PTPRU: variants seen among roughly 807,000 people sequenced by gnomAD.
PTPRU encodes the protein protein tyrosine phosphatase receptor type U.
Under a neutral mutation model 166.3 loss-of-function variants are expected in PTPRU, and 69 were observed. That is an observed-to-expected ratio of 0.41 (90% confidence interval 0.34 to 0.51). The LOEUF is 0.51. Ranked by LOEUF, PTPRU falls within the 20% of genes least tolerant of loss-of-function variation. The pLI is 0.09. For synonymous variants in PTPRU, 793 were observed against 814.0 expected (o/e 0.97, Z 0.44); for missense variants, 1,657 against 2,013.7 (o/e 0.82, Z 3.39).
intron 14 of PTPRU, among the ~76,000 whole-genome samples, chr1:29,287,614 A>G (rs1203183888): frequency 7.7e-6 from 1 of 130,566 alleles, no homozygotes; most frequent in Admixed American, 7.5e-5. Context: ...TTTTTTTTTT[A>G]AATGGACTCA....
At chr1:29,312,522 C>T in intron 21 of PTPRU, 30 bp from the exon 22 acceptor site, 1 of 1,557,164 alleles carries the variant, frequency 6.4e-7, no homozygotes, top group South Asian at 1.2e-5. Flanking sequence ...CTGCCAGGGA[C>T]TCTGATTATT....
chr1:29,264,224 A>G (rs1171077875), intron 7 of PTPRU, among the ~76,000 whole-genome samples: 1 of 151,244 alleles, frequency 6.6e-6, no homozygotes, highest in Non-Finnish European at 1.5e-5. Flanking sequence ...TGCTTATCAG[A>G]TGTTTATGTT....
Position 29,258,500 on chromosome 1 carries a change from T to G in PTPRU, c.206-5T>G. ...ATCTCCTGCCTCTTCCTCCTCTCTT[T>G]CCAGGCTCCTACTTGATGGTCAACA... On this transcript the variant is annotated splice_region_variant and splice_polypyrimidine_tract_variant and intron_variant, in intron 2 of 29. Coordinates refer to ENST00000373779, the MANE Select transcript of PTPRU (RefSeq NM_133178.4). The G allele has an allele frequency of 6.2e-7, 1 of 1,612,438 alleles. No individual in the cohort carries two copies.
At chr1:29,278,617 C>T (rs1036941384) in intron 8 of PTPRU, among the ~76,000 whole-genome samples, 1 of 152,152 alleles carries the variant, frequency 6.6e-6, no homozygotes, top group Non-Finnish European at 1.5e-5. Flanking sequence ...ATCCCAATAC[C>T]GCAATGCAAT....
In PTPRU at chr1:29,326,104, T is replaced by C. The variant is rs1488845861; in HGVS notation, c.*443T>C. On this transcript the variant is annotated 3_prime_UTR_variant, in exon 30 of 30. Coordinates refer to ENST00000373779, the MANE Select transcript of PTPRU (RefSeq NM_133178.4). ...CTCTGCATGTGGGTAGAGGATGTAC[T>C]GGGACTTGGCATTTAGGATTCCATC... The C allele has an allele frequency of 5.1e-6, 2 of 391,198 alleles. No individual in the cohort carries two copies. The highest frequency in any genetic ancestry group is 2.1e-5 in the African/African-American group (1 of 48,578). The allele number at this position is 391,198 out of a possible 1,614,324, so 24.2% of individuals were successfully genotyped here.
At chr1:29,314,602 G>C (rs1390614300) in intron 22 of PTPRU, among the ~76,000 whole-genome samples, 1 of 150,448 alleles carries the variant, frequency 6.6e-6, no homozygotes, top group South Asian at 2.1e-4. Context: ...TTTTGAGACA[G>C]GATCTTGTTC....
intron 1 of PTPRU, among the ~76,000 whole-genome samples, chr1:29,244,396 G>A (rs751148303): frequency 6.6e-6 from 1 of 151,444 alleles, no homozygotes; most frequent in Non-Finnish European, 1.5e-5. Flanking sequence ...GGGGACAGGT[G>A]GATGATAGAA....
chr1:29,250,445 C>T (rs756488566), intron 1 of PTPRU, among the ~76,000 whole-genome samples: 3 of 152,192 alleles, frequency 2.0e-5, no homozygotes, highest in Non-Finnish European at 2.9e-5. Flanking sequence ...GCTGCATGGC[C>T]TTGAGTAAGC....
In PTPRU at chr1:29,248,526, C is replaced by T. The variant is rs1565712; in HGVS notation, c.74-6749C>T. ...GTGCAACCTGTTGGGAAAAGTTTTGCTTCTCCTGGGACCACTCTTGGGAAT... is the reference window on the plus strand; with the variant it reads ...GTGCAACCTGTTGGGAAAAGTTTTGTTTCTCCTGGGACCACTCTTGGGAAT... On this transcript the variant is annotated intron_variant, in intron 1 of 29. Transcript: ENST00000373779. Among the ~76,000 whole-genome samples the T allele has an allele frequency of 4.6e-3, 699 of 152,262 alleles. 3 individuals carry two copies. Among genetic ancestry groups the T allele is most frequent in the African/African-American group, 0.016 (671 of 41,546 alleles).
chr1:29,286,373 G>A (rs546101326), intron 14 of PTPRU, among the ~76,000 whole-genome samples: 6 of 152,288 alleles, frequency 3.9e-5, no homozygotes, highest in South Asian at 2.1e-4. Flanking sequence ...CTCAGCATGC[G>A]TCAGAGAACA....
At chr1:29,240,806 C>A (rs563166794) in intron 1 of PTPRU, among the ~76,000 whole-genome samples, 1 of 137,680 alleles carries the variant, frequency 7.3e-6, no homozygotes, top group African/African-American at 2.7e-5. Flanking sequence ...AGGGAGCCCG[C>A]AGGGCCCTGT....
intron 18 of PTPRU, chr1:29,307,284 C>A: frequency 8.3e-7 from 1 of 1,204,058 alleles, no homozygotes; most frequent in Non-Finnish European, 1.2e-6. Context: ...TGCCCAGCAC[C>A]AACCGTCCAT....
chr1:29,324,138 G>A (rs1688294760), intron 28 of PTPRU, among the ~76,000 whole-genome samples: 1 of 152,166 alleles, frequency 6.6e-6, no homozygotes. Flanking sequence ...ATGCACACAT[G>A]TGACTTTTTC....
chr1:29,325,450 C>T (rs1198892654), intron 29 of PTPRU, 124 bp downstream of exon 29: 2 of 1,509,670 alleles, frequency 1.3e-6, no homozygotes, highest in Non-Finnish European at 1.8e-6. Context: ...GCCCTGTGGT[C>T]CTAAAACATT....
Position 29,314,580 on chromosome 1 carries a change from TTAA to T in PTPRU, c.3228-790_3228-788del, listed in dbSNP as rs113156221. Among the ~76,000 whole-genome samples, 455 of 102,066 alleles carry T rather than the reference TTAA, an allele frequency of 4.5e-3. 5 individuals carry two copies. The highest frequency in any genetic ancestry group is 0.031 in the African/African-American group (435 of 13,828). 67.0% of individuals were successfully genotyped at this position (102,066 alleles called of 152,430 possible). ...CAGGAAGAGTGTTTTATTGAATTAA[TTAA>T]TTTTTTTTTTTTGAGACAGGATCTT... On this transcript the variant is annotated intron_variant, in intron 22 of 29. Transcript: ENST00000373779.
At chr1:29,313,795 C>T (rs1488577280) in intron 22 of PTPRU, among the ~76,000 whole-genome samples, 3 of 152,092 alleles carry the variant, frequency 2.0e-5, no homozygotes, top group Admixed American at 1.3e-4. Context: ...TTCCAGGTTA[C>T]AGTAAACTGT....
At chr1:29,301,756 C>T (rs1687144124) in intron 15 of PTPRU, among the ~76,000 whole-genome samples, 1 of 152,106 alleles carries the variant, frequency 6.6e-6, no homozygotes, top group South Asian at 2.1e-4. Flanking sequence ...ATGACAGGCC[C>T]CGGTGTGTGA....
At position 29,320,669 on chromosome 1, in the gene PTPRU, TC is replaced by T; in HGVS notation, c.3688-14del. ...GGCCGGGAACAGGGCCCTGCTGAGT[TC>T]CGGTTTCCCTGCAGAGCTACACACG... On this transcript the variant is annotated splice_polypyrimidine_tract_variant and intron_variant, in intron 25 of 29. Coordinates refer to ENST00000373779, the MANE Select transcript of PTPRU (RefSeq NM_133178.4). This position sits in a 1 kb window ranked among gnomAD's most constrained non-coding sequence, Gnocchi z 5.2. 6.4e-7 allele frequency: 1 copy of T among 1,560,404 alleles called. No homozygotes were observed. Among genetic ancestry groups the T allele is most frequent in the Non-Finnish European group, 8.7e-7 (1 of 1,144,468 alleles).
intron 15 of PTPRU, among the ~76,000 whole-genome samples, chr1:29,295,454 T>C (rs6671468): frequency 0.22 from 33,547 of 152,200 alleles, 3,930 homozygotes; most frequent in African/African-American, 0.31. Context: ...CGCCATCTTA[T>C]GAAATTGTCT....
Sources: gnomAD v4.1 joint callset for allele counts (sites outside exome capture counted in the v4.1 genomes callset) on GRCh38, gnomAD v4.1.1 for gene constraint, Gnocchi (gnomAD v3.1) non-coding constraint, MANE v1.5 for transcripts, NCBI Gene and HGNC (gene_info 2026-07-23, HGNC 2026-07-21) for gene names.